Variants in PSMA1 observed in about 807,000 individuals in gnomAD.
The protein encoded by PSMA1 is proteasome subunit alpha type-1.
In PSMA1, 3 loss-of-function variants were observed where a neutral mutation model predicts 38.4. That is an observed-to-expected ratio of 0.08 (90% CI 0.04 to 0.20). The LOEUF (loss-of-function observed/expected upper bound fraction) is 0.20, where lower values mean the gene tolerates loss of function less well. PSMA1 is among the 10% of genes least tolerant of loss of function. PSMA1 has a pLI of 1.00. For synonymous variants in PSMA1, 101 were observed against 107.1 expected (o/e 0.94, Z 0.35); for missense variants, 227 against 325.3 (o/e 0.70, Z 2.32).
At chr11:14,550,116 TC>T (rs1184027156) in intron 2 of PSMA1, among the ~76,000 whole-genome samples, 62 of 152,334 alleles carry the variant, frequency 4.1e-4, no homozygotes, top group African/African-American at 1.4e-3. Flanking sequence ...TGACTGCATC[TC>T]TTCATCTCAA....
At chr11:14,582,782 C>G (rs1045721457) in intron 2 of PSMA1, among the ~76,000 whole-genome samples, 1 of 151,654 alleles carries the variant, frequency 6.6e-6, no homozygotes, top group Non-Finnish European at 1.5e-5. Context: ...CCACCCATCT[C>G]GGCTTCCCAA....
intron 1 of PSMA1, among the ~76,000 whole-genome samples, chr11:14,519,671 TATA>T (rs1851493997): frequency 1.3e-5 from 2 of 152,140 alleles, no homozygotes; most frequent in Non-Finnish European, 1.5e-5. Flanking sequence ...TTACGACTAT[TATA>T]ATAATAGTCA....
intron 1 of PSMA1, among the ~76,000 whole-genome samples, chr11:14,639,601 C>T (rs1407022242): frequency 6.6e-6 from 1 of 152,128 alleles, no homozygotes; most frequent in Non-Finnish European, 1.5e-5. Context: ...GATAACAGAA[C>T]ATAAACCTTT....
chr11:14,613,534 G>A (rs569803647), intron 1 of PSMA1, among the ~76,000 whole-genome samples: 12 of 152,208 alleles, frequency 7.9e-5, no homozygotes, highest in Admixed American at 2.0e-4. Context: ...GATTATAGGC[G>A]TGAGCACTGT....
chr11:14,629,011 GTTGT>G (rs1441441326), intron 1 of PSMA1, among the ~76,000 whole-genome samples: 4 of 151,202 alleles, frequency 2.6e-5, no homozygotes, highest in African/African-American at 7.3e-5. Flanking sequence ...TGTTGATGGG[GTTGT>G]TTGTTTTTTT....
chr11:14,639,584 C>G (rs1395433544), intron 1 of PSMA1, among the ~76,000 whole-genome samples: 1 of 152,140 alleles, frequency 6.6e-6, no homozygotes, highest in Non-Finnish European at 1.5e-5. Context: ...TGTAAATAAG[C>G]AAATATGATA....
At chr11:14,516,680 C>T (rs1339387967) in intron 4 of PSMA1, among the ~76,000 whole-genome samples, 2 of 152,090 alleles carry the variant, frequency 1.3e-5, no homozygotes, top group African/African-American at 4.8e-5. Flanking sequence ...AATCCCAGCA[C>T]TTTGGGAGGC....
chr11:14,564,199 C>T (rs1016017576), intron 2 of PSMA1, among the ~76,000 whole-genome samples: 2 of 151,928 alleles, frequency 1.3e-5, no homozygotes, highest in Admixed American at 6.6e-5. Flanking sequence ...CATCCTCCTA[C>T]CCCCCCACCC....
upstream of PSMA1, chr11:14,643,653 G>C (rs892488713): frequency 2.7e-5 from 4 of 149,154 alleles, no homozygotes; most frequent in South Asian, 8.9e-4. Context: ...GTGGCGGCGG[G>C]ACAAGTCGTG....
intron 2 of PSMA1, among the ~76,000 whole-genome samples, chr11:14,557,445 T>A (rs1851953220): frequency 6.6e-6 from 1 of 152,176 alleles, no homozygotes; most frequent in Non-Finnish European, 1.5e-5. Context: ...GGTTTCACCA[T>A]GTTGGCCAGG....
At chr11:14,512,303 G>A (rs1450878237) in intron 7 of PSMA1, among the ~76,000 whole-genome samples, 1 of 152,096 alleles carries the variant, frequency 6.6e-6, no homozygotes, top group African/African-American at 2.4e-5. Flanking sequence ...GAACCTGGGA[G>A]GCAGAGGTTG....
intron 2 of PSMA1, among the ~76,000 whole-genome samples, chr11:14,535,091 AAAAC>A (rs1404277984): frequency 1.3e-5 from 2 of 152,154 alleles, no homozygotes; most frequent in Non-Finnish European, 2.9e-5. Flanking sequence ...ACAAAAACAA[AAAAC>A]AAACAAAAAA....
intron 1 of PSMA1, among the ~76,000 whole-genome samples, chr11:14,627,773 AATG>A (rs1852932929): frequency 1.3e-5 from 2 of 152,194 alleles, no homozygotes; most frequent in Admixed American, 6.5e-5. Context: ...CTGATAAAAC[AATG>A]ATTTCATGAA....
At chr11:14,539,709 C>A (rs1045664409) in intron 2 of PSMA1, among the ~76,000 whole-genome samples, 2 of 151,954 alleles carry the variant, frequency 1.3e-5, no homozygotes, top group African/African-American at 4.8e-5. Context: ...ATTAGCCGGG[C>A]GTGGTGGCAG....
In PSMA1 at chr11:14,575,343, T is replaced by G. The variant is rs569852027; in HGVS notation, c.21+35623A>C. Among the ~76,000 whole-genome samples the G allele has an allele frequency of 2.4e-3, 358 of 152,248 alleles. 2 individuals are homozygous for G. Among genetic ancestry groups the G allele is most frequent in the African/African-American group, 8.3e-3 (346 of 41,550 alleles). On this transcript the variant is annotated intron_variant, in intron 2 of 10. Coordinates refer to the PSMA1 transcript ENST00000418988. The stretch of plus-strand genomic sequence containing the variant: ...GTTACATATGTATACATGTGCCATG[T>G]TGGTGTGCTGCATCCATTAACTCGT...
At chr11:14,517,607 C>A in intron 4 of PSMA1, 35 bp downstream of exon 4, 1 of 1,449,984 alleles carries the variant, frequency 6.9e-7, no homozygotes, top group South Asian at 1.3e-5. Context: ...AATTATGAAA[C>A]AAAAAGGATG....
At chr11:14,620,084 A>G (rs1274945185) in intron 1 of PSMA1, among the ~76,000 whole-genome samples, 6 of 150,606 alleles carry the variant, frequency 4.0e-5, no homozygotes, top group Admixed American at 2.0e-4. Flanking sequence ...GTGTGTGTGT[A>G]TGTGTATGTG....
At chr11:14,627,964 G>C (rs1286573262) in intron 1 of PSMA1, among the ~76,000 whole-genome samples, 1 of 152,024 alleles carries the variant, frequency 6.6e-6, no homozygotes, top group Non-Finnish European at 1.5e-5. Context: ...ACTGGTACTG[G>C]TCCATGGCCT....
intron 2 of PSMA1, among the ~76,000 whole-genome samples, chr11:14,533,566 TTC>T (rs1851671574): frequency 7.1e-6 from 1 of 141,562 alleles, no homozygotes; most frequent in African/African-American, 2.6e-5. Flanking sequence ...CTAAGTTTTT[TTC>T]TTTTTTCTTT....
Sources: allele counts gnomAD v4.1 joint callset (sites outside exome capture counted in the v4.1 genomes callset), GRCh38; gene constraint gnomAD v4.1.1; transcripts MANE v1.5; gene names NCBI Gene and HGNC (gene_info 2026-07-23, HGNC 2026-07-21).